Variants in WWOX observed in about 807,000 individuals in gnomAD.
WWOX encodes WW domain-containing oxidoreductase.
WWOX carries 69 observed loss-of-function variants against 46.2 expected under a neutral mutation model. That is an observed-to-expected ratio of 1.49 (90% CI 1.23 to 1.82). The LOEUF is 1.82. Among genes scored for constraint, WWOX ranks in the 40% most tolerant of loss-of-function variants. The probability of loss-of-function intolerance (pLI) is 0.00; values close to 1 mark genes in which losing one functional copy is unlikely to be tolerated. For missense variants in WWOX, 919 were observed against 542.6 expected (o/e 1.69, Z -6.89); for synonymous variants, 359 against 202.6 (o/e 1.77, Z -6.56).
rs74029637 is a variant in WWOX, at chr16:78,474,191, T to C, written c.1056+41439T>C. ...TTTAAGTGTTAACATTGTTCAAATT[T>C]TCATTACTAACACCTCTCACATTGT... On this transcript the variant is annotated intron_variant, in intron 8 of 8. Coordinates refer to ENST00000566780, the MANE Select transcript of WWOX (RefSeq NM_016373.4). 9.6e-3 allele frequency among the ~76,000 whole-genome samples: 1,457 copies of C among 152,352 alleles called. 29 individuals are homozygous for C. Among genetic ancestry groups the C allele is most frequent in the African/African-American group, 0.033 (1,388 of 41,578 alleles).
intron 8 of WWOX, chr16:79,106,569 C>G (rs920481248): frequency 4.2e-5 from 5 of 118,012 alleles, no homozygotes; most frequent in African/African-American, 1.4e-4. Flanking sequence ...TAAAATGACT[C>G]TTTCTTAAAA....
At chr16:78,578,318 C>G (rs1399487227) in intron 8 of WWOX, among the ~76,000 whole-genome samples, 1 of 72,098 alleles carries the variant, frequency 1.4e-5, no homozygotes, top group African/African-American at 6.7e-5. Context: ...TGGTCGGAGT[C>G]TCACCCTTTC....
rs534689196 is a variant in WWOX, at chr16:79,147,869, A to G, written c.1057-63739A>G. On this transcript the variant is annotated intron_variant, in intron 8 of 8. Transcript: ENST00000566780. ...ATATTTTCATTTGTTTGTCATCTATATATCCTCTTCGGTGAAATGTCTATT... is the reference window on the plus strand; with the variant it reads ...ATATTTTCATTTGTTTGTCATCTATGTATCCTCTTCGGTGAAATGTCTATT... Among the ~76,000 whole-genome samples, 82 of 152,208 alleles carry G rather than the reference A, an allele frequency of 5.4e-4. No individual in the cohort carries two copies. The South Asian group carries it at 0.011, about 21-fold the overall frequency.
intron 5 of WWOX, among the ~76,000 whole-genome samples, chr16:78,257,182 G>A (rs1205448157): frequency 2.0e-5 from 3 of 151,960 alleles, no homozygotes; most frequent in Admixed American, 1.3e-4. Context: ...CACATTGCCT[G>A]TCATCTGTTG....
chr16:78,312,757 T>G (rs553599597), intron 5 of WWOX, among the ~76,000 whole-genome samples: 11 of 152,290 alleles, frequency 7.2e-5, no homozygotes, highest in African/African-American at 2.6e-4. Flanking sequence ...TCGTCTGGCT[T>G]TATGGACAAT....
intron 5 of WWOX, among the ~76,000 whole-genome samples, chr16:78,353,965 G>A (rs1278357047): frequency 6.6e-6 from 1 of 152,110 alleles, no homozygotes; most frequent in South Asian, 2.1e-4. Flanking sequence ...CACCTCCATC[G>A]CTTTCGTGCT....
At chr16:78,188,714 G>A (rs117085835) in intron 5 of WWOX, among the ~76,000 whole-genome samples, 3,020 of 152,034 alleles carry the variant, frequency 0.02, 39 homozygotes, top group Non-Finnish European at 0.032. Context: ...AAAACCACTG[G>A]CTTACATAAA....
intron 8 of WWOX, among the ~76,000 whole-genome samples, chr16:78,609,966 C>T (rs2045859815): frequency 1.3e-5 from 2 of 149,384 alleles, no homozygotes; most frequent in South Asian, 4.4e-4. Context: ...GAGCCCCCAC[C>T]CCCACCCCCC....
At chr16:78,403,224 G>T (rs898899487) in intron 6 of WWOX, among the ~76,000 whole-genome samples, 10 of 152,158 alleles carry the variant, frequency 6.6e-5, no homozygotes, top group African/African-American at 2.4e-4. Context: ...TTTGTAAGTT[G>T]TAAGTTGTAA....
chr16:78,134,670 C>T (rs1183330866), intron 4 of WWOX, among the ~76,000 whole-genome samples: 3 of 152,128 alleles, frequency 2.0e-5, no homozygotes, highest in Non-Finnish European at 4.4e-5. Context: ...TTGTTATGAG[C>T]TGCTTATGGC....
At chr16:79,035,544 T>G (rs752276250) in intron 8 of WWOX, among the ~76,000 whole-genome samples, 3 of 152,136 alleles carry the variant, frequency 2.0e-5, no homozygotes, top group Non-Finnish European at 4.4e-5. Flanking sequence ...TTTTATTTAT[T>G]TATTAATTTT....
intron 8 of WWOX, among the ~76,000 whole-genome samples, chr16:78,954,724 T>G (rs1157638693): frequency 6.6e-6 from 1 of 152,178 alleles, no homozygotes; most frequent in Non-Finnish European, 1.5e-5. Flanking sequence ...GGTGCCATAA[T>G]AAAAATTATA....
chr16:78,486,247 TAGAA>T lies in WWOX; in HGVS notation c.1056+53499_1056+53502del, dbSNP rs1421964744. Among the ~76,000 whole-genome samples the T allele has an allele frequency of 2.6e-5, 4 of 152,158 alleles. No individual in the cohort carries two copies. In the East Asian group the frequency reaches 5.8e-4, roughly 22 times the overall value. On this transcript the variant is annotated intron_variant, in intron 8 of 8. Transcript: ENST00000566780. ...CAAGTTGCAGCTTGGAACTTGGAGT[TAGAA>T]AGAGATGTGTAGTCCCATACCATTT...
At position 78,575,222 on chromosome 16, in the gene WWOX, G is replaced by C. The variant is rs149366094; in HGVS notation, c.1056+142470G>C. ...GAGAAACCATCTCTGGGTTAGTTCT[G>C]TCCCTGGAGGTGAGGGCCAGACAAC... On this transcript the variant is annotated intron_variant, in intron 8 of 8. Coordinates refer to ENST00000566780, the MANE Select transcript of WWOX (RefSeq NM_016373.4). Among the ~76,000 whole-genome samples the C allele has an allele frequency of 1.3e-3, 185 of 146,798 alleles. 1 individual carries two copies. In the East Asian group the frequency reaches 0.02, roughly 16 times the overall value.
At chr16:78,684,029 G>A (rs1159584410) in intron 8 of WWOX, among the ~76,000 whole-genome samples, 1 of 152,122 alleles carries the variant, frequency 6.6e-6, no homozygotes, top group Non-Finnish European at 1.5e-5. Context: ...TGCTGCTGCT[G>A]GATTTATTCA....
chr16:78,483,968 G>A (rs1414808376), intron 8 of WWOX, among the ~76,000 whole-genome samples: 1 of 152,126 alleles, frequency 6.6e-6, no homozygotes, highest in Admixed American at 6.5e-5. Flanking sequence ...TGAAAGATGG[G>A]CCCCTTTCAG....
chr16:78,950,366 A>G (rs906161726), intron 8 of WWOX, among the ~76,000 whole-genome samples: 1 of 152,150 alleles, frequency 6.6e-6, no homozygotes, highest in Admixed American at 6.6e-5. Flanking sequence ...GTTTGTTACT[A>G]CAAAAGCATG....
chr16:78,808,420 G>C (rs1597647913), intron 8 of WWOX, among the ~76,000 whole-genome samples: 2 of 152,162 alleles, frequency 1.3e-5, no homozygotes, highest in Admixed American at 6.5e-5. Flanking sequence ...AAATGCTATT[G>C]GGATGTGTAA....
At chr16:78,688,895 T>A (rs892053915) in intron 8 of WWOX, among the ~76,000 whole-genome samples, 1 of 152,132 alleles carries the variant, frequency 6.6e-6, no homozygotes, top group Non-Finnish European at 1.5e-5. Flanking sequence ...CTCACAAGAT[T>A]TGATGGTTTT....
Sources: gnomAD v4.1 joint callset for allele counts (sites outside exome capture counted in the v4.1 genomes callset) on GRCh38, gnomAD v4.1.1 for gene constraint, MANE v1.5 for transcripts, NCBI Gene and HGNC (gene_info 2026-07-23, HGNC 2026-07-21) for gene names.